KIAA1328: variants seen among roughly 807,000 people sequenced by gnomAD.
The protein encoded by KIAA1328 is KIAA1328, also known as protein hinderin.
KIAA1328 carries 52 observed loss-of-function variants against 68.1 expected under a neutral mutation model. The ratio of observed to expected loss-of-function variants is 0.76; its 90% CI spans 0.61 to 0.96. The LOEUF (loss-of-function observed/expected upper bound fraction) is 0.96. Among genes scored for constraint, KIAA1328 ranks in the 40% least tolerant of loss-of-function variants. The probability of loss-of-function intolerance (pLI) is 0.00; values close to 1 mark genes in which losing one functional copy is unlikely to be tolerated. For synonymous variants in KIAA1328, 232 were observed against 239.4 expected, an observed-to-expected ratio of 0.97 and a Z score of 0.28; for missense variants, 641 against 677.6, an observed-to-expected ratio of 0.95 and a Z score of 0.60.
At position 37,067,269 on chromosome 18, in the gene KIAA1328, A is replaced by G. The variant is rs372936367; in HGVS notation, c.956A>G (p.His319Arg). 1.9e-6 allele frequency: 3 copies of G among 1,614,000 alleles called. No individual in the cohort carries two copies. The highest frequency in any genetic ancestry group is 1.7e-5 in the Admixed American group (1 of 60,020). ...GCTGCAGATCGTGTTCATGACAGCC[A>G]TCCTACAAACATGACCCCTCAACAT... ...RLAADRVHDS[H>R]PTNMTPQHPK... The change falls in exon 7 of 10, where the codon CAT (histidine) becomes CGT (arginine). Residue 319 changes from histidine (H) to arginine (R), a missense_variant. Transcript: ENST00000280020.
intron 5 of KIAA1328, among the ~76,000 whole-genome samples, chr18:36,904,202 A>G (rs577964215): frequency 2.9e-4 from 44 of 152,248 alleles, no homozygotes; most frequent in African/African-American, 1.0e-3. Context: ...ATTTGCTGCT[A>G]TATTAACATA....
At chr18:37,197,230 T>C (rs1224217138) in intron 9 of KIAA1328, among the ~76,000 whole-genome samples, 1 of 152,110 alleles carries the variant, frequency 6.6e-6, no homozygotes, top group African/African-American at 2.4e-5. Flanking sequence ...TTAATCTAGC[T>C]AAAAGTTTGT....
rs558615966 is a variant in KIAA1328, at chr18:37,020,049, G to A, written c.577-46841G>A. 7.2e-5 allele frequency among the ~76,000 whole-genome samples: 11 copies of A among 152,280 alleles called. No individual in the cohort carries two copies. The East Asian group carries it at 9.7e-4, about 13-fold the overall frequency. ...CACGGAGCAGAGGGCCCTTTTGCAC[G>A]AAGATCTCTGCACAGGTGGGGTGGG... is the stretch of plus-strand genomic sequence containing the variant. On this transcript the variant is annotated intron_variant, in intron 6 of 9. Transcript: ENST00000280020.
At chr18:37,150,547 G>T (rs914043009) in intron 7 of KIAA1328, among the ~76,000 whole-genome samples, 1 of 151,228 alleles carries the variant, frequency 6.6e-6, no homozygotes, top group Non-Finnish European at 1.5e-5. Flanking sequence ...TCTTCCTCAT[G>T]GACATAAATT....
rs544400300 is a variant in KIAA1328, at chr18:37,019,451, G to C, written c.577-47439G>C. Among the ~76,000 whole-genome samples, 9 of 152,290 alleles carry C rather than the reference G, an allele frequency of 5.9e-5. No homozygotes were observed. In the East Asian group the frequency reaches 1.5e-3, roughly 26 times the overall value. On this transcript the variant is annotated intron_variant, in intron 6 of 9. Coordinates refer to ENST00000280020, the MANE Select transcript of KIAA1328 (RefSeq NM_020776.3). The stretch of plus-strand genomic sequence containing the variant: ...GCTCCCTGATCAACCTCACGGTGCC[G>C]GGAGGCAAGAACCAGGAACAACAGA...
At chr18:37,195,868 T>C (rs961547080) in intron 9 of KIAA1328, among the ~76,000 whole-genome samples, 1 of 152,226 alleles carries the variant, frequency 6.6e-6, no homozygotes, top group Admixed American at 6.5e-5. Context: ...GGGATGGCAT[T>C]GAATCTGTAA....
intron 7 of KIAA1328, among the ~76,000 whole-genome samples, chr18:37,115,034 CA>C (rs954596277): frequency 3.3e-5 from 5 of 151,922 alleles, no homozygotes; most frequent in African/African-American, 1.2e-4. Context: ...AGCCTACCAA[CA>C]AAAAAAAGTC....
intron 4 of KIAA1328, among the ~76,000 whole-genome samples, chr18:36,877,877 C>A (rs2048190344): frequency 6.6e-6 from 1 of 151,844 alleles, no homozygotes; most frequent in Non-Finnish European, 1.5e-5. Context: ...CCATGTTAGC[C>A]AGGATGGTCT....
chr18:36,975,638 G>A (rs2052441458), intron 6 of KIAA1328, among the ~76,000 whole-genome samples: 1 of 152,192 alleles, frequency 6.6e-6, no homozygotes, highest in African/African-American at 2.4e-5. Flanking sequence ...TACTTGTGGA[G>A]TTAAGTCTTC....
At chr18:37,063,746 A>G (rs947848266) in intron 6 of KIAA1328, 4 of 814,776 alleles carry the variant, frequency 4.9e-6, no homozygotes, top group African/African-American at 1.9e-5. Context: ...TTTATTCCAA[A>G]TACTTGATTT....
chr18:37,162,930 C>T (rs1407986750), intron 8 of KIAA1328, among the ~76,000 whole-genome samples: 2 of 150,474 alleles, frequency 1.3e-5, no homozygotes, highest in Non-Finnish European at 3.0e-5. Context: ...AACAACCTTA[C>T]GATAGCAAAG....
intron 7 of KIAA1328, among the ~76,000 whole-genome samples, chr18:37,119,369 A>T (rs1338820489): frequency 2.0e-5 from 3 of 152,128 alleles, no homozygotes; most frequent in Non-Finnish European, 4.4e-5. Context: ...CACAACAAAA[A>T]TGCCATATAT....
intron 6 of KIAA1328, among the ~76,000 whole-genome samples, chr18:37,025,787 G>A (rs922820571): frequency 2.0e-5 from 3 of 152,108 alleles, no homozygotes; most frequent in African/African-American, 7.2e-5. Flanking sequence ...ATCTAAAATT[G>A]ACACCCTAAC....
chr18:37,170,855 A>G (rs2059486728), intron 8 of KIAA1328, among the ~76,000 whole-genome samples: 1 of 152,178 alleles, frequency 6.6e-6, no homozygotes, highest in African/African-American at 2.4e-5. Context: ...TTATGAAAAT[A>G]AAAAATAATT....
At chr18:36,998,189 A>G (rs143925623) in intron 6 of KIAA1328, among the ~76,000 whole-genome samples, 543 of 152,216 alleles carry the variant, frequency 3.6e-3, no homozygotes, top group Admixed American at 6.0e-3. Context: ...GGGTTGCCCA[A>G]CCCAATCCAC....
At chr18:37,110,104 A>G (rs1164752299) in intron 7 of KIAA1328, among the ~76,000 whole-genome samples, 2 of 152,078 alleles carry the variant, frequency 1.3e-5, no homozygotes, top group Non-Finnish European at 2.9e-5. Flanking sequence ...GGCTCCAATA[A>G]ATGGAGATTA....
chr18:37,135,843 G>A (rs563914056), intron 7 of KIAA1328, among the ~76,000 whole-genome samples: 11 of 152,064 alleles, frequency 7.2e-5, no homozygotes, highest in East Asian at 1.9e-4. Context: ...TCTTCCATCC[G>A]TCTTGAGTTA....
chr18:37,102,518 T>C (rs565617830), intron 7 of KIAA1328, among the ~76,000 whole-genome samples: 86 of 152,202 alleles, frequency 5.7e-4, no homozygotes, highest in African/African-American at 2.0e-3. Context: ...AAAAAACTCA[T>C]AAAATTTGAT....
At chr18:37,137,734 T>C (rs950760844) in intron 7 of KIAA1328, among the ~76,000 whole-genome samples, 2 of 152,160 alleles carry the variant, frequency 1.3e-5, no homozygotes, top group Admixed American at 6.5e-5. Context: ...ATATTGACAG[T>C]TTCATCCTCT....
Sources: gnomAD v4.1 joint callset for allele counts (sites outside exome capture counted in the v4.1 genomes callset) on GRCh38, gnomAD v4.1.1 for gene constraint, MANE v1.5 for transcripts, NCBI Gene and HGNC (gene_info 2026-07-23, HGNC 2026-07-21) for gene names.